Variants in SORBS3 observed in about 807,000 individuals in gnomAD.
SORBS3 encodes vinexin.
SORBS3 carries 69 observed loss-of-function variants against 98.0 expected under a neutral mutation model. The ratio of observed to expected loss-of-function variants is 0.70; its 90% CI spans 0.58 to 0.86. The LOEUF (loss-of-function observed/expected upper bound fraction) is 0.86, where lower values mean the gene tolerates loss of function less well. Among genes scored for constraint, SORBS3 ranks in the 40% least tolerant of loss-of-function variants. The probability of loss-of-function intolerance (pLI) is 0.00; values close to 1 mark genes in which losing one functional copy is unlikely to be tolerated. For synonymous variants in SORBS3, 394 were observed against 355.4 expected (o/e 1.11, Z -1.22); for missense variants, 954 against 908.5 (o/e 1.05, Z -0.64).
chr8:22,574,132 T>C (rs1309521009), intron 20 of SORBS3, among the ~76,000 whole-genome samples: 1 of 152,066 alleles, frequency 6.6e-6, no homozygotes, highest in Non-Finnish European at 1.5e-5. Context: ...TGGGGAAGCA[T>C]CGGGTGCCAG....
intron 19 of SORBS3, 98 bp downstream of exon 19, chr8:22,571,919 T>C (rs1199229038): frequency 3.4e-6 from 3 of 883,202 alleles, no homozygotes; most frequent in Non-Finnish European, 5.6e-6. Context: ...CCTGTGGATT[T>C]GGGAAACTTC....
chr8:22,572,070 T>A (rs1262706269), intron 19 of SORBS3, among the ~76,000 whole-genome samples: 1 of 152,094 alleles, frequency 6.6e-6, no homozygotes, highest in African/African-American at 2.4e-5. Flanking sequence ...AGCCCTGAGG[T>A]CGGTGCATGT....
At chr8:22,559,426 C>T (rs1040770556) in intron 5 of SORBS3, among the ~76,000 whole-genome samples, 3 of 152,140 alleles carry the variant, frequency 2.0e-5, no homozygotes, top group African/African-American at 4.8e-5. Flanking sequence ...ACAGGCCGGG[C>T]GCGGTGGCTC....
chr8:22,559,693 A>C (rs1246734147), intron 5 of SORBS3, among the ~76,000 whole-genome samples: 1 of 149,114 alleles, frequency 6.7e-6, no homozygotes, highest in Non-Finnish European at 1.5e-5. Flanking sequence ...ATAGAGCAAG[A>C]CGCTGTCTCT....
chr8:22,569,332 G>T, intron 17 of SORBS3, 59 bp downstream of exon 17: 1 of 1,416,788 alleles, frequency 7.1e-7, no homozygotes. Context: ...AGGTAAATAT[G>T]TGCACTAAAA....
At chr8:22,548,589 T>C (rs1038552211), upstream of SORBS3, among the ~76,000 whole-genome samples, 7 of 152,096 alleles carry the variant, frequency 4.6e-5, no homozygotes. Flanking sequence ...AGTTCATCCC[T>C]GGGGAGGAGA....
chr8:22,547,426 G>A (rs768957673), upstream of SORBS3, among the ~76,000 whole-genome samples: 15 of 151,900 alleles, frequency 9.9e-5, no homozygotes, highest in Non-Finnish European at 1.8e-4. Context: ...ACTTTTTAAT[G>A]TTGATGCTAT....
chr8:22,546,546 T>G (rs922342437), intron 1 of SORBS3, among the ~76,000 whole-genome samples: 3 of 152,344 alleles, frequency 2.0e-5, no homozygotes, highest in East Asian at 1.9e-4. Flanking sequence ...AACCCTGGCC[T>G]CCTTCTTACC....
chr8:22,572,516 A>C (rs1586909636), intron 20 of SORBS3, 70 bp downstream of exon 20: 2 of 1,222,972 alleles, frequency 1.6e-6, no homozygotes, highest in African/African-American at 3.0e-5. Context: ...GTTGCCTGCC[A>C]GTGCTGCTTC....
At position 22,564,479 on chromosome 8, in the gene SORBS3, G is replaced by T. The variant is rs142694846; in HGVS notation, c.774G>T (p.Pro258=). 6.2e-7 allele frequency: 1 copy of T among 1,614,114 alleles called. No homozygotes were observed. The highest frequency in any genetic ancestry group is 8.5e-7 in the Non-Finnish European group (1 of 1,180,028). ...ELETGQRPKK[P]LVDDPGEKPS... is the part of the protein sequence containing the mutation. ...TTTCTACCCTTCAGCCCAAGAAACC[G>T]CTGGTGGACGACCCTGGTGAGAAGC... is the stretch of plus-strand genomic sequence containing the variant. The change falls in exon 10 of 21, where the codon CCG becomes CCT. Residue 258 remains proline (P), a synonymous_variant. Transcript: ENST00000240123.
intron 17 of SORBS3, among the ~76,000 whole-genome samples, chr8:22,569,773 A>G (rs1840524392): frequency 6.6e-6 from 1 of 151,662 alleles, no homozygotes; most frequent in South Asian, 2.1e-4. Flanking sequence ...GCATCTCACT[A>G]TGTTGCCCGG....
In SORBS3 at chr8:22,565,293, A is replaced by T. The variant is rs1042558394; in HGVS notation, c.842A>T (p.Glu281Val). ...IEVLLERELA[E>V]LSAELDKDLR... ...GTGCTGCTGGAGAGAGAGCTGGCCG[A>T]GCTGAGCGCCGAGCTGGACAAGGAC... The change falls in exon 11 of 21, where the codon GAG becomes GTG. Residue 281 changes from glutamate (E) to valine (V), a missense_variant. Coordinates refer to ENST00000240123, the MANE Select transcript of SORBS3 (RefSeq NM_005775.5). 7 of 1,556,848 alleles carry T rather than the reference A, an allele frequency of 4.5e-6. No homozygotes were observed. In the South Asian group the frequency reaches 7.1e-5, roughly 16 times the overall value.
intron 3 of SORBS3, among the ~76,000 whole-genome samples, chr8:22,556,379 C>T (rs887798525): frequency 1.3e-5 from 2 of 152,204 alleles, no homozygotes; most frequent in Non-Finnish European, 2.9e-5. Context: ...AGTCTGTCCC[C>T]TCTAAGCCCA....
chr8:22,567,813 C>A (rs576284021), intron 16 of SORBS3, among the ~76,000 whole-genome samples: 1 of 150,944 alleles, frequency 6.6e-6, no homozygotes, highest in African/African-American at 2.4e-5. Flanking sequence ...CTATCCTTTT[C>A]ATGTCAGTAA....
chr8:22,570,926 T>C lies in SORBS3; in HGVS notation c.1448T>C (p.Leu483Pro), dbSNP rs996376166. Residue 483 changes from leucine to proline, a missense_variant, in exon 18 of 21, where the codon CTG becomes CCG. By Grantham distance (98) the Leu-to-Pro change is moderately conservative. Coordinates refer to ENST00000240123, the MANE Select transcript of SORBS3 (RefSeq NM_005775.5). ...CCCCCTCAGGGAGAGCACATCTGCC[T>C]GATCCGCAAGGTGAACGAGAACTGG... ...LSFRKGEHIC[L>P]IRKVNENWYE... 6.2e-7 allele frequency: 1 copy of C among 1,603,542 alleles called. No individual in the cohort carries two copies. Among genetic ancestry groups the C allele is most frequent in the Non-Finnish European group, 8.5e-7 (1 of 1,172,960 alleles).
In SORBS3 at chr8:22,556,907, C is replaced by T. The variant is rs759644853; in HGVS notation, c.413C>T (p.Ser138Phe). Residue 138 changes from serine (S) to phenylalanine (F), a missense_variant and splice_region_variant, in exon 4 of 21, where the codon TCC becomes TTC. Ser to Phe is a radical substitution (Grantham distance 155). Transcript: ENST00000240123. ...AGCGGCATGCCCATTGCCCCCCGAT[C>T]CGTGAGTCCAGGGCTGGGGGCCACG... ...DESGMPIAPRSSVDRPRDWYR... is the reference protein window; with the variant it reads ...DESGMPIAPRFSVDRPRDWYR... The T allele has an allele frequency of 6.2e-7, 1 of 1,612,548 alleles. No homozygotes were observed. Among genetic ancestry groups the T allele is most frequent in the African/African-American group, 1.3e-5 (1 of 75,066 alleles).
chr8:22,549,840 C>A, upstream of SORBS3: 7 of 295,422 alleles, frequency 2.4e-5, no homozygotes, highest in Non-Finnish European at 3.5e-5. Flanking sequence ...TTGTGAGAAA[C>A]AGGAAGTGGG....
At chr8:22,561,612 C>T in intron 6 of SORBS3, 1 of 610,230 alleles carries the variant, frequency 1.6e-6, no homozygotes, top group Non-Finnish European at 2.9e-6. Flanking sequence ...TTTCTCTGGG[C>T]CTCCCTTTCC....
chr8:22,569,628 G>A (rs535874671), intron 17 of SORBS3, among the ~76,000 whole-genome samples: 221 of 152,258 alleles, frequency 1.5e-3, no homozygotes, highest in African/African-American at 5.1e-3. Flanking sequence ...GTGAGCCACC[G>A]CGCCTGGCCT....
Sources: allele counts gnomAD v4.1 joint callset (sites outside exome capture counted in the v4.1 genomes callset), GRCh38; gene constraint gnomAD v4.1.1; transcripts MANE v1.5; gene names NCBI Gene and HGNC (gene_info 2026-07-23, HGNC 2026-07-21).